The following TTC17 variants were observed in gnomAD, a reference collection of about 807,000 sequenced individuals.
TTC17 encodes tetratricopeptide repeat domain 17.
Under a neutral mutation model 143.8 loss-of-function variants are expected in TTC17, and 58 were observed. That is an observed-to-expected ratio of 0.40 (90% CI 0.33 to 0.50). TTC17 has a LOEUF of 0.50. Ranked by LOEUF, TTC17 falls within the 20% of genes least tolerant of loss-of-function variation. The pLI, the probability that TTC17 is intolerant of heterozygous loss-of-function variation, is 0.49. For synonymous variants in TTC17, 501 were observed against 497.8 expected (o/e 1.01, Z -0.09); for missense variants, 1,273 against 1,392.5 (o/e 0.91, Z 1.37).
chr11:43,391,617 G>A (rs199655543), intron 4 of TTC17, 41 bp downstream of exon 4: 79 of 989,758 alleles, frequency 8.0e-5, no homozygotes, highest in African/African-American at 2.0e-4. Flanking sequence ...TTTGCGTTGC[G>A]TTCTTCTTTC....
At chr11:43,418,383 C>T (rs563306127) in intron 16 of TTC17, among the ~76,000 whole-genome samples, 2 of 151,782 alleles carry the variant, frequency 1.3e-5, no homozygotes, top group African/African-American at 4.8e-5. Context: ...TTTTACTTGC[C>T]CACTCTTGAA....
At chr11:43,451,815 C>G (rs867408204) in intron 21 of TTC17, among the ~76,000 whole-genome samples, 1 of 152,118 alleles carries the variant, frequency 6.6e-6, no homozygotes, top group African/African-American at 2.4e-5. Context: ...CTAAGAATCT[C>G]TCTACTTTAT....
rs376575481 is a variant in TTC17, at chr11:43,422,662, CATT to C, written c.2251+7893_2251+7895del. ...TGTTTTAAGGGGTTATCAAGCATATCATTATTATTGTACCAGCATGCTATATCC... is the reference window on the plus strand; with the variant it reads ...TGTTTTAAGGGGTTATCAAGCATATCATTATTGTACCAGCATGCTATATCC... On this transcript the variant is annotated intron_variant, in intron 16 of 23. Coordinates refer to ENST00000039989, the MANE Select transcript of TTC17 (RefSeq NM_018259.6). 1.6e-4 allele frequency among the ~76,000 whole-genome samples: 25 copies of C among 152,208 alleles called. No individual in the cohort carries two copies. In the East Asian group the frequency reaches 4.6e-3, roughly 28 times the overall value.
At chr11:43,478,615 TG>T (rs1564982116) in intron 21 of TTC17, among the ~76,000 whole-genome samples, 1 of 152,044 alleles carries the variant, frequency 6.6e-6, no homozygotes, top group African/African-American at 2.4e-5. Context: ...TATTTATTTA[TG>T]TAATTTAAAG....
At chr11:43,439,052 C>T (rs915317593) in intron 16 of TTC17, among the ~76,000 whole-genome samples, 3 of 152,218 alleles carry the variant, frequency 2.0e-5, no homozygotes, top group Admixed American at 6.5e-5. Flanking sequence ...TTCCCTTAGG[C>T]GTTGAAGATG....
intron 21 of TTC17, among the ~76,000 whole-genome samples, chr11:43,479,758 A>G (rs1948251770): frequency 6.6e-6 from 1 of 152,222 alleles, no homozygotes; most frequent in South Asian, 2.1e-4. Flanking sequence ...GAAGTAAACT[A>G]AAGATAACTG....
intron 18 of TTC17, among the ~76,000 whole-genome samples, chr11:43,445,472 CTT>C (rs1229295701): frequency 6.6e-6 from 1 of 152,114 alleles, no homozygotes; most frequent in African/African-American, 2.4e-5. Context: ...TTCTGTATGA[CTT>C]TTCCATTTTC....
chr11:43,364,335 G>C (rs1856244518), intron 1 of TTC17, among the ~76,000 whole-genome samples: 1 of 152,088 alleles, frequency 6.6e-6, no homozygotes, highest in South Asian at 2.1e-4. Flanking sequence ...GGGATTACAG[G>C]TGTGAGCCAT....
chr11:43,359,213 C>G (rs1017471807), intron 1 of TTC17, 100 bp downstream of exon 1: 1 of 1,389,842 alleles, frequency 7.2e-7, no homozygotes, highest in African/African-American at 1.5e-5. Context: ...GCCCCGCCCC[C>G]AGCCTACCCT....
At chr11:43,360,682 A>G (rs1052422911) in intron 1 of TTC17, among the ~76,000 whole-genome samples, 5 of 151,880 alleles carry the variant, frequency 3.3e-5, no homozygotes, top group Admixed American at 6.6e-5. Context: ...GTATATACTT[A>G]ACATTGCAAT....
At position 43,493,784 on chromosome 11, in the gene TTC17, A is replaced by T; in HGVS notation, c.3306A>T (p.Glu1102Asp). Residue 1102 changes from glutamate to aspartate, a missense_variant, in exon 24 of 24, where the codon GAA becomes GAT. By Grantham distance (45) the Glu-to-Asp change is conservative (BLOSUM62 2). Around this residue, in one of 3 missense-constraint regions of TTC17, gnomAD observed 878 missense variants for 899.8 expected, o/e 0.98. Transcript: ENST00000039989. Reference sequence around the variant, plus strand: ...CTTGGCCCTCACAGGAAGAATTTGAAAAAGCACTGGTGTGGTATGAATCCA... The same window carrying T: ...CTTGGCCCTCACAGGAAGAATTTGATAAAGCACTGGTGTGGTATGAATCCA... ...GNVYVAMEEF[E>D]KALVWYESTL... The T allele has an allele frequency of 6.2e-7, 1 of 1,614,130 alleles. No homozygotes were observed. The highest frequency in any genetic ancestry group is 2.2e-5 in the East Asian group (1 of 44,880).
intron 1 of TTC17, among the ~76,000 whole-genome samples, chr11:43,362,308 T>C (rs1271414807): frequency 6.6e-6 from 1 of 152,178 alleles, no homozygotes; most frequent in Non-Finnish European, 1.5e-5. Flanking sequence ...CGTGAGCCGC[T>C]GTGCCCGGCC....
At chr11:43,465,663 G>A (rs552160637) in intron 21 of TTC17, among the ~76,000 whole-genome samples, 12 of 152,196 alleles carry the variant, frequency 7.9e-5, no homozygotes, top group East Asian at 1.9e-4. Context: ...TTTTCCACAC[G>A]GGTACCAAGA....
At chr11:43,436,659 A>C (rs576039228) in intron 16 of TTC17, among the ~76,000 whole-genome samples, 32 of 152,362 alleles carry the variant, frequency 2.1e-4, no homozygotes, top group African/African-American at 7.5e-4. Flanking sequence ...GATTTGGAAT[A>C]GTGGGCTTAC....
At chr11:43,484,002 C>T (rs1158682136) in intron 21 of TTC17, among the ~76,000 whole-genome samples, 3 of 152,034 alleles carry the variant, frequency 2.0e-5, no homozygotes, top group Admixed American at 1.3e-4. Context: ...ATTAGCCAGG[C>T]GTGGTGGTGC....
chr11:43,411,618 C>T (rs867622310), intron 15 of TTC17, among the ~76,000 whole-genome samples: 1 of 152,108 alleles, frequency 6.6e-6, no homozygotes, highest in South Asian at 2.1e-4. Context: ...CTTATTTTTT[C>T]GTTCAAGGGA....
chr11:43,361,184 T>C (rs916509157), intron 1 of TTC17, among the ~76,000 whole-genome samples: 2 of 152,334 alleles, frequency 1.3e-5, no homozygotes, highest in African/African-American at 4.8e-5. Flanking sequence ...TGGCCATAAT[T>C]TGTATGCAGG....
intron 1 of TTC17, among the ~76,000 whole-genome samples, chr11:43,370,788 G>C (rs907143296): frequency 1.4e-5 from 2 of 145,608 alleles, no homozygotes; most frequent in Non-Finnish European, 3.1e-5. Flanking sequence ...GTTAAAGAGA[G>C]GGGGCAGGTT....
At chr11:43,429,413 G>A (rs149256231) in intron 16 of TTC17, among the ~76,000 whole-genome samples, 1 of 152,334 alleles carries the variant, frequency 6.6e-6, no homozygotes, top group Non-Finnish European at 1.5e-5. Context: ...TCTATTCCCA[G>A]TAAGGTCTCC....
Sources: allele counts gnomAD v4.1 joint callset (sites outside exome capture counted in the v4.1 genomes callset), GRCh38; gene constraint gnomAD v4.1.1; regional missense constraint gnomAD v4.1.1; transcripts MANE v1.5; gene names NCBI Gene and HGNC (gene_info 2026-07-23, HGNC 2026-07-21).